The following EPHA6 variants were observed in gnomAD, a reference collection of about 807,000 sequenced individuals.
The protein encoded by EPHA6 is ephrin type-A receptor 6.
A neutral mutation model predicts 112.0 loss-of-function variants in EPHA6; 50 were observed. The observed-to-expected ratio is 0.45, with a 90% CI of 0.36 to 0.56. EPHA6 has a LOEUF of 0.56. EPHA6 is among the 20% of genes least tolerant of loss of function. EPHA6 has a pLI of 0.00. For missense variants in EPHA6, 1,280 were observed against 1,417.4 expected (o/e 0.90, Z 1.56); for synonymous variants, 529 against 490.7 (o/e 1.08, Z -1.03).
At position 97,377,533 on chromosome 3, in the gene EPHA6, G is replaced by A. The variant is rs115531148; in HGVS notation, c.1607-27617G>A. Among the ~76,000 whole-genome samples, 747 of 152,250 alleles carry A rather than the reference G, an allele frequency of 4.9e-3. 6 individuals are homozygous for A. Among genetic ancestry groups the A allele is most frequent in the African/African-American group, 0.017 (723 of 41,550 alleles). The stretch of plus-strand genomic sequence containing the variant: ...CTTTGGAACTTGGTAACAAGCAGAG[G>A]TTGGTACAGTTTGGAGGACAAGGAA... On this transcript the variant is annotated intron_variant, in intron 5 of 17. Transcript: ENST00000389672.
chr3:97,496,869 T>C (rs2091992839), intron 10 of EPHA6, among the ~76,000 whole-genome samples: 1 of 152,154 alleles, frequency 6.6e-6, no homozygotes, highest in Non-Finnish European at 1.5e-5. Context: ...TATTGATTAT[T>C]GTCATGAAAT....
At chr3:97,166,460 A>T (rs1212279432) in intron 3 of EPHA6, among the ~76,000 whole-genome samples, 1 of 152,022 alleles carries the variant, frequency 6.6e-6, no homozygotes, top group African/African-American at 2.4e-5. Context: ...TATCACGAGT[A>T]GGTGATTTAT....
rs565770688 is a variant in EPHA6, at chr3:97,518,663, T to TA, written c.2201-13690dup. Among the ~76,000 whole-genome samples the TA allele has an allele frequency of 4.5e-3, 687 of 152,200 alleles. 8 individuals carry two copies. The highest frequency in any genetic ancestry group is 0.015 in the African/African-American group (613 of 41,554). ...ACACCTATTATTTTTGTATTTATAA[T>TA]AAAAACCATTCTAACAGAAGTAAGA... On this transcript the variant is annotated intron_variant, in intron 10 of 17. Transcript: ENST00000389672.
At chr3:97,117,656 G>A (rs1173879369) in intron 3 of EPHA6, among the ~76,000 whole-genome samples, 1 of 151,688 alleles carries the variant, frequency 6.6e-6, no homozygotes, top group African/African-American at 2.4e-5. Context: ...TGAGCTCGCT[G>A]TTGTGTTTCT....
At chr3:97,592,226 A>G (rs1011456954) in intron 11 of EPHA6, among the ~76,000 whole-genome samples, 1 of 152,244 alleles carries the variant, frequency 6.6e-6, no homozygotes, top group East Asian at 1.9e-4. Flanking sequence ...TATAGCATAT[A>G]TCAGATCTTA....
At chr3:97,677,043 TAA>T (rs1214941657) in intron 14 of EPHA6, among the ~76,000 whole-genome samples, 1 of 152,316 alleles carries the variant, frequency 6.6e-6, no homozygotes, top group Middle Eastern at 3.4e-3. Flanking sequence ...TTTTTTAATT[TAA>T]GTTTAATTAA....
At chr3:97,144,229 T>G (rs7624483) in intron 3 of EPHA6, among the ~76,000 whole-genome samples, 1,997 of 151,826 alleles carry the variant, frequency 0.013, 35 homozygotes, top group African/African-American at 0.046. Context: ...AATTATTGCT[T>G]TAATTTAAAT....
chr3:97,671,950 C>G (rs959452153), intron 14 of EPHA6, among the ~76,000 whole-genome samples: 11 of 152,140 alleles, frequency 7.2e-5, no homozygotes, highest in Non-Finnish European at 1.5e-4. Flanking sequence ...AGTCTGACAC[C>G]TTTGACTGCC....
intron 3 of EPHA6, among the ~76,000 whole-genome samples, chr3:97,098,810 T>C (rs1319049140): frequency 1.3e-5 from 2 of 151,908 alleles, no homozygotes; most frequent in Admixed American, 6.6e-5. Context: ...TATGCTGCTG[T>C]GTCCACAACT....
In EPHA6 at chr3:97,625,284, T is replaced by C. The variant is rs551965210; in HGVS notation, c.2575-12589T>C. ...ACTAAGTATTTTCTAATTCTCTTTG[T>C]GATTTCTTCTTTGATCCATTGGTTG... On this transcript the variant is annotated intron_variant, in intron 13 of 17. Transcript: ENST00000389672. 8.2e-4 allele frequency among the ~76,000 whole-genome samples: 124 copies of C among 151,680 alleles called. 1 individual carries two copies. The highest frequency in any genetic ancestry group is 1.3e-3 in the Non-Finnish European group (89 of 67,718).
intron 3 of EPHA6, among the ~76,000 whole-genome samples, chr3:97,136,850 A>T (rs896515245): frequency 2.6e-5 from 4 of 152,192 alleles, no homozygotes; most frequent in African/African-American, 7.2e-5. Flanking sequence ...AAAAATATAA[A>T]TTTTAACACC....
chr3:97,184,257 A>G (rs1196015350), intron 3 of EPHA6, among the ~76,000 whole-genome samples: 1 of 152,134 alleles, frequency 6.6e-6, no homozygotes, highest in Admixed American at 6.6e-5. Context: ...GCATCCTGGA[A>G]GCAACTTTCC....
chr3:97,315,808 C>T (rs2108766711), intron 5 of EPHA6, among the ~76,000 whole-genome samples: 1 of 151,920 alleles, frequency 6.6e-6, no homozygotes, highest in Non-Finnish European at 1.5e-5. Context: ...CTGAGGTTCA[C>T]ACACTGGAAA....
chr3:97,578,797 A>C (rs571726036), intron 11 of EPHA6, among the ~76,000 whole-genome samples: 3 of 152,326 alleles, frequency 2.0e-5, no homozygotes, highest in African/African-American at 7.2e-5. Flanking sequence ...TCAGGGAACT[A>C]AAACTTCTGT....
chr3:97,193,652 G>A (rs542729835), intron 3 of EPHA6, among the ~76,000 whole-genome samples: 1 of 151,886 alleles, frequency 6.6e-6, no homozygotes, highest in East Asian at 1.9e-4. Context: ...GATTGCTCTA[G>A]GTAGGACTTG....
At chr3:97,373,215 T>C (rs1276682848) in intron 5 of EPHA6, among the ~76,000 whole-genome samples, 1 of 152,166 alleles carries the variant, frequency 6.6e-6, no homozygotes, top group Non-Finnish European at 1.5e-5. Context: ...ATGTATGTTT[T>C]ATATGAAGCA....
At chr3:97,413,321 T>C (rs1047061170) in intron 6 of EPHA6, among the ~76,000 whole-genome samples, 5 of 151,822 alleles carry the variant, frequency 3.3e-5, no homozygotes, top group Non-Finnish European at 5.9e-5. Flanking sequence ...AGTACAGCCA[T>C]TGGAGCATCT....
chr3:97,382,325 T>G (rs1191827873), intron 5 of EPHA6, among the ~76,000 whole-genome samples: 1 of 152,088 alleles, frequency 6.6e-6, no homozygotes, highest in East Asian at 1.9e-4. Context: ...TTTTCTTCAA[T>G]AAGTTCCCAT....
At chr3:97,275,197 C>A (rs561018613) in intron 5 of EPHA6, among the ~76,000 whole-genome samples, 1 of 152,056 alleles carries the variant, frequency 6.6e-6, no homozygotes, top group East Asian at 1.9e-4. Context: ...GGAGTTATTG[C>A]TTTGTAGAAG....
Sources: gnomAD v4.1 joint callset for allele counts (sites outside exome capture counted in the v4.1 genomes callset) on GRCh38, gnomAD v4.1.1 for gene constraint, MANE v1.5 for transcripts, NCBI Gene and HGNC (gene_info 2026-07-23, HGNC 2026-07-21) for gene names.